Variants in PCBD2 observed in about 807,000 individuals in gnomAD.
The protein encoded by PCBD2 is pterin-4-alpha-carbinolamine dehydratase 2.
PCBD2 carries 12 observed loss-of-function variants against 16.4 expected under a neutral mutation model. That is an observed-to-expected ratio of 0.73 (90% CI 0.47 to 1.19). PCBD2 has a LOEUF of 1.19. PCBD2 is among the 50% of genes most tolerant of loss of function. PCBD2 has a pLI of 0.00. For missense variants in PCBD2, 138 were observed against 156.8 expected, an observed-to-expected ratio of 0.88 and a Z score of 0.64; for synonymous variants, 58 against 61.8, an observed-to-expected ratio of 0.94 and a Z score of 0.29.
rs756545275 is a variant in PCBD2, at chr5:134,960,664, G to C, written c.376G>C (p.Ala126Pro). Residue 126 changes from alanine (A) to proline (P), a missense_variant, in exon 4 of 4, where the codon GCA becomes CCA. Physicochemically the swap from Ala to Pro is conservative, Grantham distance 27 (BLOSUM62 -1). Transcript: ENST00000254908. ...GAAGCTGGCCAAGTTTATTGAAAAAGCAGCTGCTTCTGTGTGATTTCTTCC... is the reference window on the plus strand; with the variant it reads ...GAAGCTGGCCAAGTTTATTGAAAAACCAGCTGCTTCTGTGTGATTTCTTCC... ...DVKLAKFIEK[A>P]AASV is the part of the protein sequence containing the mutation. 3.7e-6 allele frequency: 6 copies of C among 1,611,138 alleles called. No homozygotes were observed. The East Asian group carries it at 1.3e-4, about 36-fold the overall frequency.
chr5:134,920,320 T>C (rs750359623), intron 2 of PCBD2, among the ~76,000 whole-genome samples: 2 of 152,234 alleles, frequency 1.3e-5, no homozygotes, highest in Non-Finnish European at 2.9e-5. Context: ...GATGCAAGAC[T>C]CACATCCCTG....
Position 134,905,186 on chromosome 5 carries a change from C to T in PCBD2, c.47C>T (p.Ala16Val). The T allele has an allele frequency of 2.5e-6, 3 of 1,223,570 alleles. No homozygotes were observed. Among genetic ancestry groups the T allele is most frequent in the Non-Finnish European group, 3.1e-6 (3 of 982,934 alleles). 75.8% of individuals were successfully genotyped at this position (1,223,570 alleles called of 1,614,324 possible). Reference protein sequence around the residue: ...GALGATRRLLAALRGQSLGLA... With the variant: ...GALGATRRLLVALRGQSLGLA... ...CTCGGGGCGACGCGGCGCTTGTTGG[C>T]GGCGCTGCGAGGCCAGAGCCTAGGG... The change falls in exon 1 of 4, where the codon GCG becomes GTG. Residue 16 changes from alanine (A) to valine (V), a missense_variant. Physicochemically the swap from Ala to Val is moderately conservative, Grantham distance 64. Coordinates refer to ENST00000254908, the MANE Select transcript of PCBD2 (RefSeq NM_032151.5).
intron 2 of PCBD2, among the ~76,000 whole-genome samples, chr5:134,913,427 GCA>G (rs1750792885): frequency 1.3e-5 from 2 of 152,316 alleles, no homozygotes; most frequent in South Asian, 4.1e-4. Context: ...AGAACAGCAA[GCA>G]CAGAGTTTCC....
At chr5:134,942,512 A>G (rs967364362) in intron 2 of PCBD2, among the ~76,000 whole-genome samples, 1 of 152,156 alleles carries the variant, frequency 6.6e-6, no homozygotes, top group Admixed American at 6.5e-5. Flanking sequence ...GGTCAGAGTA[A>G]TGACTCTGAG....
chr5:134,935,271 G>A (rs1370486452), intron 2 of PCBD2, among the ~76,000 whole-genome samples: 1 of 152,178 alleles, frequency 6.6e-6, no homozygotes, highest in East Asian at 1.9e-4. Context: ...TCTGCTGCCC[G>A]TGCCTGACTG....
chr5:134,915,321 AG>A (rs1300069680), intron 2 of PCBD2, among the ~76,000 whole-genome samples: 6 of 152,176 alleles, frequency 3.9e-5, no homozygotes, highest in Non-Finnish European at 8.8e-5. Context: ...TCTCAAAAAA[AG>A]AAAAAAAAGG....
At chr5:134,923,559 A>C (rs559978358) in intron 2 of PCBD2, 1 of 321,350 alleles carries the variant, frequency 3.1e-6, no homozygotes, top group South Asian at 1.5e-4. Context: ...GCCTCCTCAG[A>C]TTCATTGGAC....
intron 2 of PCBD2, among the ~76,000 whole-genome samples, chr5:134,912,511 G>T (rs1750781278): frequency 6.6e-6 from 1 of 152,216 alleles, no homozygotes; most frequent in African/African-American, 2.4e-5. Flanking sequence ...ATTAGATGCT[G>T]TCAGGAAATG....
chr5:134,949,197 C>A (rs114188070), intron 2 of PCBD2, among the ~76,000 whole-genome samples: 111 of 152,228 alleles, frequency 7.3e-4, no homozygotes, highest in African/African-American at 2.6e-3. Context: ...GCAAGGAAAT[C>A]TTCCCGTGCC....
At chr5:134,912,326 GGTGTCCTGACAGTTGTCA>G (rs956301121) in intron 2 of PCBD2, among the ~76,000 whole-genome samples, 4 of 152,170 alleles carry the variant, frequency 2.6e-5, no homozygotes, top group African/African-American at 9.7e-5. Context: ...AATGGTAACT[GGTGTCCTGACAGTTGTCA>G]GTGCCCTCCA....
chr5:134,936,819 AATAGAAGACC>A lies in PCBD2; in HGVS notation c.217-22220_217-22211del. Among the ~76,000 whole-genome samples, 3 of 152,330 alleles carry A rather than the reference AATAGAAGACC, an allele frequency of 2.0e-5. No individual in the cohort carries two copies. The South Asian group carries it at 6.2e-4, about 32-fold the overall frequency. On this transcript the variant is annotated intron_variant, in intron 2 of 3. Transcript: ENST00000254908. Reference sequence around the variant, plus strand: ...AGAACCTTAGAAGGTTGATTTTGAGAATAGAAGACCTGCTTGTTTTCAGGGAGAAGCATTA... The same window carrying A: ...AGAACCTTAGAAGGTTGATTTTGAGATGCTTGTTTTCAGGGAGAAGCATTA...
chr5:134,943,571 TC>T (rs1225760816), intron 2 of PCBD2, among the ~76,000 whole-genome samples: 3 of 152,224 alleles, frequency 2.0e-5, no homozygotes, highest in Non-Finnish European at 4.4e-5. Flanking sequence ...AATTATATTT[TC>T]CCTTTAATTT....
chr5:134,943,165 G>A (rs1056018256), intron 2 of PCBD2, among the ~76,000 whole-genome samples: 1 of 152,168 alleles, frequency 6.6e-6, no homozygotes, highest in Admixed American at 6.5e-5. Flanking sequence ...GAGAAGGTCT[G>A]GGCTTGATGA....
At chr5:134,914,323 G>A (rs1023128534) in intron 2 of PCBD2, among the ~76,000 whole-genome samples, 2 of 152,106 alleles carry the variant, frequency 1.3e-5, no homozygotes, top group African/African-American at 4.8e-5. Context: ...GATAAGAGAA[G>A]GAGTGGAATA....
intron 2 of PCBD2, among the ~76,000 whole-genome samples, chr5:134,958,439 G>A (rs1038093862): frequency 6.6e-6 from 1 of 152,192 alleles, no homozygotes; most frequent in Non-Finnish European, 1.5e-5. Flanking sequence ...AAATGGCAGT[G>A]CAGGGCAGTA....
chr5:134,921,358 G>T (rs1750901356), intron 2 of PCBD2, among the ~76,000 whole-genome samples: 1 of 152,178 alleles, frequency 6.6e-6, no homozygotes, highest in Non-Finnish European at 1.5e-5. Context: ...GCACTTCAGG[G>T]TGGCTGCTGC....
chr5:134,915,401 T>C (rs1750820323), intron 2 of PCBD2, among the ~76,000 whole-genome samples: 1 of 151,762 alleles, frequency 6.6e-6, no homozygotes, highest in Non-Finnish European at 1.5e-5. Flanking sequence ...AAATAGGATG[T>C]ATGGGGATGT....
At chr5:134,906,236 C>T (rs1410391441) in intron 1 of PCBD2, among the ~76,000 whole-genome samples, 1 of 112,322 alleles carries the variant, frequency 8.9e-6, no homozygotes, top group Admixed American at 1.2e-4. Context: ...AGGAGAATCA[C>T]GCCGTCACCC....
At chr5:134,930,920 T>A (rs1326944266) in intron 2 of PCBD2, among the ~76,000 whole-genome samples, 2 of 152,188 alleles carry the variant, frequency 1.3e-5, no homozygotes, top group East Asian at 3.9e-4. Context: ...GATTTTTCTT[T>A]TTCTTTTTGT....
Sources: allele counts gnomAD v4.1 joint callset (sites outside exome capture counted in the v4.1 genomes callset), GRCh38; gene constraint gnomAD v4.1.1; transcripts MANE v1.5; gene names NCBI Gene and HGNC (gene_info 2026-07-23, HGNC 2026-07-21).